Variants in CNTNAP3B observed in about 807,000 individuals in gnomAD.
CNTNAP3B encodes the protein contactin-associated protein-like 3B.
Under a neutral mutation model 108.9 loss-of-function variants are expected in CNTNAP3B, and 25 were observed. The observed-to-expected ratio is 0.23, with a 90% CI of 0.17 to 0.32. CNTNAP3B has a LOEUF of 0.32. Among genes scored for constraint, CNTNAP3B ranks in the 10% least tolerant of loss-of-function variants. The probability of loss-of-function intolerance (pLI) is 1.00; values close to 1 mark genes in which losing one functional copy is unlikely to be tolerated. For synonymous variants in CNTNAP3B, 103 were observed against 473.4 expected (o/e 0.22, Z 10.16); for missense variants, 252 against 1,210.4 (o/e 0.21, Z 11.75).
At chr9:41,956,182 C>T (rs1423367903) in intron 12 of CNTNAP3B, among the ~76,000 whole-genome samples, 1 of 152,226 alleles carries the variant, frequency 6.6e-6, no homozygotes, top group African/African-American at 2.4e-5. Flanking sequence ...GTCAGGAGAT[C>T]GAGACCATCC....
At chr9:41,977,057 T>A (rs1825531932) in intron 9 of CNTNAP3B, among the ~76,000 whole-genome samples, 2 of 144,426 alleles carry the variant, frequency 1.4e-5, no homozygotes, top group African/African-American at 5.3e-5. Flanking sequence ...TAACAATATA[T>A]ACATTCTTTT....
At chr9:42,056,326 T>TTTTTTTTTATTATTA (rs1554753495) in intron 3 of CNTNAP3B, among the ~76,000 whole-genome samples, 1 of 129,128 alleles carries the variant, frequency 7.7e-6, no homozygotes, top group African/African-American at 3.0e-5. Flanking sequence ...TCTCATGAAT[T>TTTTTTTTTATTATTA]TTATTATTAT....
rs1210941536 is a variant in CNTNAP3B at position 42,099,460 on chromosome 9, A to G, written c.196+5169T>C. ...ATAAGACACTTCTTCGGTTTCATCC[A>G]TTTTGTAAACTCATTTGCTGAAATG... On this transcript the variant is annotated intron_variant, in intron 2 of 23. Transcript: ENST00000377561. Among the ~76,000 whole-genome samples, 3 of 133,794 alleles carry G rather than the reference A, an allele frequency of 2.2e-5. 1 individual carries two copies. The highest frequency in any genetic ancestry group is 1.5e-4 in the Admixed American group (2 of 13,262). The allele number at this position is 133,794 out of a possible 152,430, so 87.8% of individuals were successfully genotyped here.
rs1288150096 is a variant in CNTNAP3B, at chr9:42,124,529, G to A, written c.85+4481C>T. On this transcript the variant is annotated intron_variant, in intron 1 of 23. Coordinates refer to ENST00000377561, the MANE Select transcript of CNTNAP3B (RefSeq NM_001201380.3). ...GGAATATTTTTTCTACAGTGACAGA[G>A]CAGACTTGACATGTGCACAGTCATG... 1.2e-4 allele frequency among the ~76,000 whole-genome samples: 15 copies of A among 129,898 alleles called. 1 individual carries two copies. Among genetic ancestry groups the A allele is most frequent in the East Asian group, 9.5e-4 (4 of 4,192 alleles). 85.2% of individuals were successfully genotyped at this position (129,898 alleles called of 152,430 possible). A position where few individuals can be genotyped will look rare whatever the true frequency, so the allele number is the denominator to read the frequency against.
At position 42,097,168 on chromosome 9, in the gene CNTNAP3B, T is replaced by C. The variant is rs534693131; in HGVS notation, c.196+7461A>G. Among the ~76,000 whole-genome samples, 18 of 140,606 alleles carry C rather than the reference T, an allele frequency of 1.3e-4. 5 individuals are homozygous for C. The highest frequency in any genetic ancestry group is 2.8e-4 in the Non-Finnish European group (18 of 65,190). 92.2% of individuals were successfully genotyped at this position (140,606 alleles called of 152,430 possible). ...AAGTTCACATTGGAAAACATTATTC[T>C]ATGGTTATTCCAGAAAATATTAGAT... On this transcript the variant is annotated intron_variant, in intron 2 of 23. Coordinates refer to ENST00000377561, the MANE Select transcript of CNTNAP3B (RefSeq NM_001201380.3).
At chr9:42,063,244 C>T (rs1403001909) in intron 3 of CNTNAP3B, among the ~76,000 whole-genome samples, 1 of 128,394 alleles carries the variant, frequency 7.8e-6, no homozygotes, top group Non-Finnish European at 1.6e-5. Flanking sequence ...GAACTCTTGA[C>T]TTTGTGTGTG....
At chr9:42,000,329 CT>C (rs1470318373) in intron 4 of CNTNAP3B, among the ~76,000 whole-genome samples, 2 of 88,102 alleles carry the variant, frequency 2.3e-5, no homozygotes, top group Non-Finnish European at 4.4e-5. Flanking sequence ...ACAAAACTCT[CT>C]GTCAAATGTA....
intron 15 of CNTNAP3B, among the ~76,000 whole-genome samples, chr9:41,929,093 A>G (rs1158905728): frequency 6.1e-5 from 9 of 147,012 alleles, no homozygotes; most frequent in Non-Finnish European, 1.5e-5. Flanking sequence ...GCAAGTAATA[A>G]GTTAAAACAA....
intron 1 of CNTNAP3B, among the ~76,000 whole-genome samples, chr9:42,126,566 G>A (rs1342115037): frequency 4.4e-5 from 6 of 135,678 alleles, no homozygotes; most frequent in Admixed American, 7.3e-5. Flanking sequence ...TGTTTAGAGA[G>A]CTTTTTTTTT....
intron 14 of CNTNAP3B, among the ~76,000 whole-genome samples, chr9:41,932,847 G>A (rs1395531921): frequency 6.6e-6 from 1 of 152,222 alleles, no homozygotes; most frequent in Non-Finnish European, 1.5e-5. Flanking sequence ...TGGGGGAGTA[G>A]GTCAGCAATA....
intron 11 of CNTNAP3B, among the ~76,000 whole-genome samples, chr9:41,963,178 C>G (rs1359147860): frequency 2.6e-5 from 4 of 152,294 alleles, no homozygotes; most frequent in Non-Finnish European, 4.4e-5. Flanking sequence ...CTGCCTTTCT[C>G]CTGTGGCTTT....
chr9:41,989,430 C>CCAA (rs1825764416), intron 8 of CNTNAP3B, among the ~76,000 whole-genome samples: 1 of 83,934 alleles, frequency 1.2e-5, no homozygotes. Context: ...GATAATAATG[C>CCAA]AAATAATGCT....
rs1463668973 is a variant in CNTNAP3B, at chr9:41,942,393, G to A, written c.2081-3993C>T. On this transcript the variant is annotated intron_variant, in intron 13 of 23. Coordinates refer to ENST00000377561, the MANE Select transcript of CNTNAP3B (RefSeq NM_001201380.3). ...TGGGAGGCTGAGGCGGGCGGATCAC[G>A]AGGTCAGGAGATCCAGACCATCCTG... is the stretch of plus-strand genomic sequence containing the variant. Among the ~76,000 whole-genome samples, 5 of 152,262 alleles carry A rather than the reference G, an allele frequency of 3.3e-5. No individual in the cohort carries two copies. The East Asian group carries it at 9.6e-4, about 29-fold the overall frequency.
In CNTNAP3B at chr9:42,128,154, G is replaced by GC. The variant is rs1554758691; in HGVS notation, c.85+855_85+856insG. Among the ~76,000 whole-genome samples, 4 of 134,654 alleles carry GC rather than the reference G, an allele frequency of 3.0e-5. 1 individual carries two copies. The highest frequency in any genetic ancestry group is 1.2e-4 in the African/African-American group (4 of 33,350). The allele number at this position is 134,654 out of a possible 152,430, so 88.3% of individuals were successfully genotyped here. A position where few individuals can be genotyped will look rare whatever the true frequency, so the allele number is the denominator to read the frequency against. ...CTCTGATAGAGATTTACTCCAAGCC[G>GC]AAAAAAAAATGTGCAATGTTGTGTA... is the stretch of plus-strand genomic sequence containing the variant. On this transcript the variant is annotated intron_variant, in intron 1 of 23. Coordinates refer to ENST00000377561, the MANE Select transcript of CNTNAP3B (RefSeq NM_001201380.3).
intron 13 of CNTNAP3B, among the ~76,000 whole-genome samples, chr9:41,944,264 G>A (rs1824455034): frequency 6.7e-6 from 1 of 148,448 alleles, no homozygotes; most frequent in Non-Finnish European, 1.5e-5. Flanking sequence ...GAGCATTAGA[G>A]AAGAAAAAAA....
At position 42,049,319 on chromosome 9, in the gene CNTNAP3B, C is replaced by T. The variant is rs1183293779; in HGVS notation, c.390+27550G>A. ...CTATAGCTTCTTTGACATGCTGACT[C>T]TTTCTGATTTTCATTATCAGCCTCT... On this transcript the variant is annotated intron_variant, in intron 3 of 23. Transcript: ENST00000377561. Among the ~76,000 whole-genome samples, 2 of 139,824 alleles carry T rather than the reference C, an allele frequency of 1.4e-5. 1 individual carries two copies. Among genetic ancestry groups the T allele is most frequent in the Non-Finnish European group, 3.1e-5 (2 of 65,086 alleles). The allele number at this position is 139,824 out of a possible 152,430, so 91.7% of individuals were successfully genotyped here.
At chr9:42,001,310 AG>A (rs1826000440) in intron 4 of CNTNAP3B, among the ~76,000 whole-genome samples, 1 of 114,724 alleles carries the variant, frequency 8.7e-6, no homozygotes, top group Admixed American at 9.0e-5. Flanking sequence ...GCTACTTGGA[AG>A]GGGGAGGTGG....
intron 3 of CNTNAP3B, among the ~76,000 whole-genome samples, chr9:42,031,100 A>G (rs2118481435): frequency 1.2e-5 from 1 of 83,530 alleles, no homozygotes; most frequent in Non-Finnish European, 2.4e-5. Flanking sequence ...CTTTCAGTAC[A>G]GAATCACCAA....
chr9:42,069,120 C>CA (rs1183244491), intron 3 of CNTNAP3B, among the ~76,000 whole-genome samples: 1 of 80,038 alleles, frequency 1.2e-5, no homozygotes, highest in Non-Finnish European at 2.4e-5. Flanking sequence ...TAAGAATCCA[C>CA]AAAAAAATGG....
Sources: allele counts gnomAD v4.1 joint callset (sites outside exome capture counted in the v4.1 genomes callset), GRCh38; gene constraint gnomAD v4.1.1; transcripts MANE v1.5; gene names NCBI Gene and HGNC (gene_info 2026-07-23, HGNC 2026-07-21).